CSMD1: variants seen among roughly 807,000 people sequenced by gnomAD.
CSMD1 encodes the protein CUB and Sushi multiple domains 1, also known as CUB and sushi domain-containing protein 1.
In CSMD1, 213 loss-of-function variants were observed where a neutral mutation model predicts 417.5. The observed-to-expected ratio is 0.51, with a 90% CI of 0.46 to 0.57. The LOEUF (loss-of-function observed/expected upper bound fraction) is 0.57, where lower values mean the gene tolerates loss of function less well. Among genes scored for constraint, CSMD1 ranks in the 20% least tolerant of loss-of-function variants. The pLI is 0.00. For synonymous variants in CSMD1, 2,862 were observed against 1,736.8 expected, an observed-to-expected ratio of 1.65 and a Z score of -16.11; for missense variants, 6,923 against 4,529.7, an observed-to-expected ratio of 1.53 and a Z score of -15.17.
At chr8:3,601,037 T>G (rs1203010612) in intron 8 of CSMD1, among the ~76,000 whole-genome samples, 1 of 152,190 alleles carries the variant, frequency 6.6e-6, no homozygotes, top group Non-Finnish European at 1.5e-5. Flanking sequence ...TGGACATTTT[T>G]CATTCATCCC....
At chr8:4,563,779 C>T (rs1798458557) in intron 2 of CSMD1, among the ~76,000 whole-genome samples, 1 of 152,094 alleles carries the variant, frequency 6.6e-6, no homozygotes, top group Non-Finnish European at 1.5e-5. Flanking sequence ...CAAGCCCTGT[C>T]CTAAATGTTT....
chr8:4,745,543 T>C (rs545184106), intron 1 of CSMD1, among the ~76,000 whole-genome samples: 55 of 152,314 alleles, frequency 3.6e-4, no homozygotes, highest in African/African-American at 1.2e-3. Context: ...TGTTTGTTCA[T>C]CTGACTATTC....
intron 3 of CSMD1, among the ~76,000 whole-genome samples, chr8:4,291,462 AT>A (rs1175919640): frequency 6.6e-6 from 1 of 152,106 alleles, no homozygotes; most frequent in African/African-American, 2.4e-5. Context: ...AGAGAGAAGT[AT>A]TTTTCTTTTT....
intron 50 of CSMD1, among the ~76,000 whole-genome samples, chr8:3,037,777 C>G (rs556254489): frequency 6.6e-6 from 1 of 152,192 alleles, no homozygotes; most frequent in South Asian, 2.1e-4. Flanking sequence ...AAGTTAACTT[C>G]TAGGAAGTAA....
chr8:3,725,362 C>G (rs2720807), intron 6 of CSMD1, among the ~76,000 whole-genome samples: 121,852 of 152,138 alleles, frequency 0.8, 49,172 homozygotes, highest in South Asian at 0.91. Context: ...GAAACAATGA[C>G]AAAGAACCTG....
intron 5 of CSMD1, among the ~76,000 whole-genome samples, chr8:3,924,051 C>A (rs1000766214): frequency 6.6e-6 from 1 of 152,162 alleles, no homozygotes; most frequent in Non-Finnish European, 1.5e-5. Flanking sequence ...TTGAAGGACT[C>A]CCTTTAGCGT....
intron 2 of CSMD1, among the ~76,000 whole-genome samples, chr8:4,578,080 C>A (rs1018579720): frequency 6.6e-6 from 1 of 152,084 alleles, no homozygotes; most frequent in East Asian, 1.9e-4. Context: ...GCAAGTGCAC[C>A]CGAGTTAGCT....
chr8:3,078,716 A>G (rs545061683), intron 49 of CSMD1, among the ~76,000 whole-genome samples: 1 of 152,292 alleles, frequency 6.6e-6, no homozygotes, highest in Non-Finnish European at 1.5e-5. Context: ...TTTACAGGAA[A>G]AGAGAGCCAG....
chr8:3,902,354 C>A (rs1359866379), intron 5 of CSMD1, among the ~76,000 whole-genome samples: 1 of 152,124 alleles, frequency 6.6e-6, no homozygotes, highest in African/African-American at 2.4e-5. Context: ...CTTGGCTTTT[C>A]TGTTTACAAA....
chr8:3,699,683 C>G (rs1367443099), intron 7 of CSMD1, among the ~76,000 whole-genome samples: 1 of 152,190 alleles, frequency 6.6e-6, no homozygotes, highest in African/African-American at 2.4e-5. Flanking sequence ...ATCTGAAACA[C>G]TATAAGACTA....
At chr8:3,915,228 A>G (rs1203916171) in intron 5 of CSMD1, among the ~76,000 whole-genome samples, 2 of 151,992 alleles carry the variant, frequency 1.3e-5, no homozygotes, top group Admixed American at 6.6e-5. Context: ...CAACATCACG[A>G]AACTCTGCCT....
intron 2 of CSMD1, among the ~76,000 whole-genome samples, chr8:4,511,683 G>T (rs142725217): frequency 1.3e-5 from 2 of 152,256 alleles, no homozygotes; most frequent in East Asian, 1.9e-4. Context: ...GTGGGAGTAG[G>T]GAAGGCAGAG....
intron 2 of CSMD1, among the ~76,000 whole-genome samples, chr8:4,618,253 G>A (rs1801585396): frequency 6.6e-6 from 1 of 151,776 alleles, no homozygotes; most frequent in South Asian, 2.1e-4. Context: ...CCTCATAAAT[G>A]TGCTTCAATG....
At chr8:4,148,459 G>A (rs192900112) in intron 3 of CSMD1, among the ~76,000 whole-genome samples, 2 of 152,124 alleles carry the variant, frequency 1.3e-5, no homozygotes, top group Admixed American at 6.5e-5. Context: ...CATGGCACAT[G>A]TATACATATG....
chr8:3,949,776 C>G (rs1057358290), intron 5 of CSMD1, among the ~76,000 whole-genome samples: 1 of 152,152 alleles, frequency 6.6e-6, no homozygotes, highest in South Asian at 2.1e-4. Context: ...AAGACAGCCA[C>G]AAGCACTGTT....
intron 6 of CSMD1, among the ~76,000 whole-genome samples, chr8:3,744,756 G>A (rs2129051385): frequency 6.6e-6 from 1 of 152,312 alleles, no homozygotes; most frequent in Middle Eastern, 3.4e-3. Context: ...GGTAATGTAG[G>A]TACTCTCAAG....
At chr8:3,089,029 A>T (rs1194678208) in intron 48 of CSMD1, among the ~76,000 whole-genome samples, 1 of 152,056 alleles carries the variant, frequency 6.6e-6, no homozygotes, top group Non-Finnish European at 1.5e-5. Flanking sequence ...GCCCCTCAAC[A>T]TACCTCTTCT....
At chr8:3,045,392 C>CAA (rs112801387) in intron 50 of CSMD1, among the ~76,000 whole-genome samples, 5 of 149,876 alleles carry the variant, frequency 3.3e-5, no homozygotes, top group African/African-American at 9.8e-5. Flanking sequence ...TATTTTAAAA[C>CAA]AAAAAAAAAT....
intron 3 of CSMD1, among the ~76,000 whole-genome samples, chr8:4,189,173 C>G (rs1028730668): frequency 4.6e-5 from 7 of 152,222 alleles, no homozygotes; most frequent in African/African-American, 1.2e-4. Flanking sequence ...AAGGTGCACA[C>G]ACAGCACGTA....
Sources: allele counts gnomAD v4.1 joint callset (sites outside exome capture counted in the v4.1 genomes callset), GRCh38; gene constraint gnomAD v4.1.1; transcripts MANE v1.5; gene names NCBI Gene and HGNC (gene_info 2026-07-23, HGNC 2026-07-21).